LRP1B: variants seen among roughly 807,000 people sequenced by gnomAD.
LRP1B encodes LDL receptor related protein 1B, also known as low-density lipoprotein receptor-related protein 1B.
A neutral mutation model predicts 556.6 loss-of-function variants in LRP1B; 217 were observed. The observed-to-expected ratio is 0.39, with a 90% CI of 0.35 to 0.44. The LOEUF (loss-of-function observed/expected upper bound fraction) is 0.44, where lower values mean the gene tolerates loss of function less well. Among genes scored for constraint, LRP1B ranks in the 20% least tolerant of loss-of-function variants. LRP1B has a pLI of 1.00. For missense variants in LRP1B, 5,053 were observed against 5,620.8 expected (o/e 0.90, Z 3.23); for synonymous variants, 2,047 against 1,865.8 (o/e 1.10, Z -2.50).
At chr2:141,112,817 G>C (rs528731143) in intron 7 of LRP1B, among the ~76,000 whole-genome samples, 3 of 152,254 alleles carry the variant, frequency 2.0e-5, no homozygotes, top group Non-Finnish European at 2.9e-5. Context: ...TTTGAAAAAG[G>C]CAAATTGATT....
chr2:141,368,456 T>C lies in LRP1B; in HGVS notation c.343+111940A>G, dbSNP rs190307703. On this transcript the variant is annotated intron_variant, in intron 3 of 90. Coordinates refer to ENST00000389484, the MANE Select transcript of LRP1B (RefSeq NM_018557.3). ...TACTACAGAGGGGAAAAGTTCCTTG[T>C]TGATGGAGAAGTTCCTTAGCTTTCG... Among the ~76,000 whole-genome samples, 353 of 152,340 alleles carry C rather than the reference T, an allele frequency of 2.3e-3. 2 individuals carry two copies. In the Middle Eastern group the frequency reaches 0.034, roughly 15 times the overall value.
chr2:142,107,466 C>A (rs1706787034), intron 1 of LRP1B, among the ~76,000 whole-genome samples: 1 of 152,124 alleles, frequency 6.6e-6, no homozygotes, highest in African/African-American at 2.4e-5. Context: ...AGGGCCCCAC[C>A]AGATGCTGAC....
intron 3 of LRP1B, among the ~76,000 whole-genome samples, chr2:141,473,010 C>G (rs1559090604): frequency 1.3e-5 from 2 of 149,136 alleles, no homozygotes; most frequent in East Asian, 3.9e-4. Context: ...GGTCAAATTA[C>G]TTAGTCATCC....
chr2:141,020,119 A>T lies in LRP1B; in HGVS notation c.1790-17T>A. On this transcript the variant is annotated splice_polypyrimidine_tract_variant and intron_variant, in intron 11 of 90. Transcript: ENST00000389484. ...TATCCAGATCTATAAAAAAAGCAAAAACAAGAAAGAAATTGCTTTTACAAC... is the reference window on the plus strand; with the variant it reads ...TATCCAGATCTATAAAAAAAGCAAATACAAGAAAGAAATTGCTTTTACAAC... 1 of 1,457,806 alleles carries T rather than the reference A, an allele frequency of 6.9e-7. No homozygotes were observed. Among genetic ancestry groups the T allele is most frequent in the Non-Finnish European group, 9.1e-7 (1 of 1,095,492 alleles). 90.3% of individuals were successfully genotyped at this position (1,457,806 alleles called of 1,614,324 possible). A position where few individuals can be genotyped will look rare whatever the true frequency, so the allele number is the denominator to read the frequency against.
At chr2:140,660,698 T>C (rs1483514484) in intron 41 of LRP1B, among the ~76,000 whole-genome samples, 1 of 152,118 alleles carries the variant, frequency 6.6e-6, no homozygotes, top group Non-Finnish European at 1.5e-5. Context: ...TTCTTTGTTT[T>C]ATGTCTTTCA....
intron 2 of LRP1B, among the ~76,000 whole-genome samples, chr2:141,613,311 C>T (rs1355057657): frequency 1.3e-5 from 2 of 152,136 alleles, no homozygotes; most frequent in Non-Finnish European, 2.9e-5. Flanking sequence ...GCCAGTATTA[C>T]TGGGACCTCT....
intron 2 of LRP1B, among the ~76,000 whole-genome samples, chr2:141,760,352 T>A (rs1049532258): frequency 3.9e-5 from 6 of 152,200 alleles, no homozygotes; most frequent in Non-Finnish European, 2.9e-5. Flanking sequence ...TTAGGATTCA[T>A]CTTATGTTTG....
intron 2 of LRP1B, among the ~76,000 whole-genome samples, chr2:141,742,539 C>G (rs1558843532): frequency 2.0e-5 from 3 of 152,040 alleles, no homozygotes; most frequent in Non-Finnish European, 4.4e-5. Context: ...GAGGTATGAG[C>G]CACCACGCCT....
chr2:141,818,614 G>A (rs1414343755), intron 1 of LRP1B, among the ~76,000 whole-genome samples: 1 of 123,634 alleles, frequency 8.1e-6, no homozygotes, highest in Non-Finnish European at 1.6e-5. Context: ...TTGGCTCAAT[G>A]CAACCTCTGC....
chr2:140,546,014 G>A (rs1403939959), intron 43 of LRP1B, among the ~76,000 whole-genome samples: 1 of 151,100 alleles, frequency 6.6e-6, no homozygotes, highest in Non-Finnish European at 1.5e-5. Flanking sequence ...GTGTGTGTGT[G>A]TGTGTGTGTG....
intron 27 of LRP1B, among the ~76,000 whole-genome samples, chr2:140,859,943 G>A (rs373479174): frequency 9.9e-5 from 15 of 152,060 alleles, no homozygotes; most frequent in African/African-American, 1.7e-4. Context: ...TGCAGTGAGC[G>A]GAGATCGCAC....
intron 84 of LRP1B, among the ~76,000 whole-genome samples, chr2:140,280,134 C>G (rs1682854449): frequency 6.6e-6 from 1 of 151,700 alleles, no homozygotes; most frequent in Admixed American, 6.6e-5. Flanking sequence ...ATAAAGGAGA[C>G]AGTAGGCAGC....
rs745676943 is a variant in LRP1B, at chr2:140,923,085, C to T, written c.3199G>A (p.Val1067Ile). 23 of 1,612,906 alleles carry T rather than the reference C, an allele frequency of 1.4e-5. No individual in the cohort carries two copies. The highest frequency in any genetic ancestry group is 5.5e-5 in the South Asian group (5 of 91,004). Reference protein sequence around the residue: ...EFQCHPDGNCVPDLWRCDGEK... With the variant: ...EFQCHPDGNCIPDLWRCDGEK... ...CCATCACAGCGCCACAAATCAGGAA[C>T]GCAATTACCATCAGGGTGGCACTGA... Residue 1067 changes from valine to isoleucine, a missense_variant, in exon 21 of 91, where the codon GTT becomes ATT. By Grantham distance (29) the Val-to-Ile change is conservative. Coordinates refer to ENST00000389484, the MANE Select transcript of LRP1B (RefSeq NM_018557.3).
intron 2 of LRP1B, among the ~76,000 whole-genome samples, chr2:141,481,912 A>G (rs1375014688): frequency 6.6e-6 from 1 of 152,126 alleles, no homozygotes; most frequent in Non-Finnish European, 1.5e-5. Context: ...ATGTTCTCAG[A>G]AGGTAAGTTG....
intron 41 of LRP1B, among the ~76,000 whole-genome samples, chr2:140,623,392 A>T (rs1017858291): frequency 3.9e-5 from 6 of 152,196 alleles, no homozygotes; most frequent in Non-Finnish European, 8.8e-5. Context: ...ATTTTGTTTA[A>T]AAAAGATATA....
Position 142,057,207 on chromosome 2 carries a change from G to A in LRP1B, c.82+73441C>T, listed in dbSNP as rs183345809. On this transcript the variant is annotated intron_variant, in intron 1 of 90. Coordinates refer to ENST00000389484, the MANE Select transcript of LRP1B (RefSeq NM_018557.3). ...CATATACTTCTCTACTGGGAACATT[G>A]CACCTTAATTACCCCAATCCCTATC... Among the ~76,000 whole-genome samples the A allele has an allele frequency of 1.9e-3, 293 of 152,164 alleles. 1 individual carries two copies. Among genetic ancestry groups the A allele is most frequent in the African/African-American group, 6.8e-3 (282 of 41,506 alleles).
intron 2 of LRP1B, among the ~76,000 whole-genome samples, chr2:141,683,603 A>G (rs1434735699): frequency 6.6e-6 from 1 of 152,148 alleles, no homozygotes; most frequent in African/African-American, 2.4e-5. Flanking sequence ...AAAGGGTTAA[A>G]GGTGGGCCTG....
chr2:141,760,708 C>T (rs554760740), intron 2 of LRP1B, among the ~76,000 whole-genome samples: 1 of 152,226 alleles, frequency 6.6e-6, no homozygotes, highest in South Asian at 2.1e-4. Context: ...CATACAAGAA[C>T]ACTACGTGAT....
chr2:142,022,202 G>A (rs1261629494), intron 1 of LRP1B, among the ~76,000 whole-genome samples: 1 of 151,770 alleles, frequency 6.6e-6, no homozygotes, highest in Non-Finnish European at 1.5e-5. Flanking sequence ...AAATCATCTT[G>A]CTTTGTTCTT....
Sources: gnomAD v4.1 joint callset for allele counts (sites outside exome capture counted in the v4.1 genomes callset) on GRCh38, gnomAD v4.1.1 for gene constraint, MANE v1.5 for transcripts, NCBI Gene and HGNC (gene_info 2026-07-23, HGNC 2026-07-21) for gene names.